The following PCSK5 variants were observed in gnomAD, a reference collection of about 807,000 sequenced individuals.
PCSK5 encodes the protein prohormone convertase 5.
PCSK5 carries 129 observed loss-of-function variants against 233.2 expected under a neutral mutation model. That is an observed-to-expected ratio of 0.55 (90% CI 0.48 to 0.64). PCSK5 has a LOEUF of 0.64. Among genes scored for constraint, PCSK5 ranks in the 30% least tolerant of loss-of-function variants. The pLI, the probability that PCSK5 is intolerant of heterozygous loss-of-function variation, is 0.00. For synonymous variants in PCSK5, 825 were observed against 879.2 expected, an observed-to-expected ratio of 0.94 and a Z score of 1.09; for missense variants, 2,076 against 2,430.1, an observed-to-expected ratio of 0.85 and a Z score of 3.06.
intron 3 of PCSK5, among the ~76,000 whole-genome samples, chr9:76,010,562 G>A (rs186042107): frequency 6.6e-6 from 1 of 152,270 alleles, no homozygotes; most frequent in African/African-American, 2.4e-5. Context: ...TGTTGACTGA[G>A]CAGCTTTTTG....
At chr9:75,971,296 G>A (rs1167233983) in intron 2 of PCSK5, among the ~76,000 whole-genome samples, 1 of 152,104 alleles carries the variant, frequency 6.6e-6, no homozygotes, top group Non-Finnish European at 1.5e-5. Context: ...GTATTCCATG[G>A]TGTATATGTA....
rs545987221 is a variant in PCSK5, at chr9:76,362,667, G to A, written c.*3745G>A. 5.9e-5 allele frequency among the ~76,000 whole-genome samples: 9 copies of A among 152,326 alleles called. No individual in the cohort carries two copies. In the South Asian group the frequency reaches 1.0e-3, roughly 18 times the overall value. On this transcript the variant is annotated 3_prime_UTR_variant, in exon 38 of 38. Transcript: ENST00000674117. ...GAAATCCACAGGCAGACAGCCCGGC[G>A]CTACGCCCTGGGCCTGGCAGTTAAA...
chr9:76,354,182 C>T lies in PCSK5; in HGVS notation c.5217C>T (p.Pro1739=). The change falls in exon 37 of 38, where the codon CCC becomes CCT. Residue 1739 remains proline (P), a synonymous_variant. Coordinates refer to ENST00000674117, the MANE Select transcript of PCSK5 (RefSeq NM_001372043.1). ...ACTGCTGCAACACCTCTGATCCCCCCAGTGCCCAGGAGTGCTGTGACTGCC... is the reference window on the plus strand; with the variant it reads ...ACTGCTGCAACACCTCTGATCCCCCTAGTGCCCAGGAGTGCTGTGACTGCC... The part of the protein sequence containing the change: ...CLHCCNTSDP[P]SAQECCDCQD... 6.3e-7 allele frequency: 1 copy of T among 1,589,540 alleles called. No individual in the cohort carries two copies.
chr9:76,310,931 C>A, intron 30 of PCSK5, 80 bp downstream of exon 30: 2 of 958,254 alleles, frequency 2.1e-6, no homozygotes, highest in Non-Finnish European at 3.0e-6. Flanking sequence ...TCTTATTCAC[C>A]AAAAAACTCT....
At chr9:75,892,194 T>C (rs1300026604) in intron 1 of PCSK5, among the ~76,000 whole-genome samples, 1 of 152,032 alleles carries the variant, frequency 6.6e-6, no homozygotes, top group Admixed American at 6.5e-5. Context: ...TTTTGTGGGG[T>C]GCCGCTCTCG....
At position 76,175,390 on chromosome 9, in the gene PCSK5, TG is replaced by T. The variant is rs1823566539; in HGVS notation, c.1900+262del. The stretch of plus-strand genomic sequence containing the variant: ...ATTTTCTTCCCCTTAAATATTTGTG[TG>T]TGTATATCAGTGCACTCATATATTC... On this transcript the variant is annotated intron_variant, in intron 14 of 37. Transcript: ENST00000674117. 5.9e-6 allele frequency: 3 copies of T among 504,814 alleles called. No homozygotes were observed. The East Asian group carries it at 9.2e-5, about 15-fold the overall frequency. 31.3% of individuals were successfully genotyped at this position (504,814 alleles called of 1,614,324 possible).
chr9:76,094,958 T>C (rs75985064), intron 7 of PCSK5, among the ~76,000 whole-genome samples: 2,645 of 152,360 alleles, frequency 0.017, 78 homozygotes, highest in African/African-American at 0.059. Flanking sequence ...GCATGAAGAA[T>C]GTGACACTGT....
intron 37 of PCSK5, among the ~76,000 whole-genome samples, chr9:76,358,298 G>C (rs1258525835): frequency 6.6e-6 from 1 of 152,096 alleles, no homozygotes; most frequent in Non-Finnish European, 1.5e-5. Flanking sequence ...TTGAGCCCAA[G>C]AGTTTGAGAC....
Position 76,161,312 on chromosome 9 carries a change from G to A in PCSK5, c.1619+2141G>A, listed in dbSNP as rs1822842396. Among the ~76,000 whole-genome samples the A allele has an allele frequency of 3.9e-5, 6 of 152,192 alleles. No individual in the cohort carries two copies. The East Asian group carries it at 7.7e-4, about 20-fold the overall frequency. Reference sequence around the variant, plus strand: ...GCAGACAAAGAGCCCTCAGCAGGCCGCCTGCAGGGTAATTGCAGGTACCTG... The same window carrying A: ...GCAGACAAAGAGCCCTCAGCAGGCCACCTGCAGGGTAATTGCAGGTACCTG... On this transcript the variant is annotated intron_variant, in intron 12 of 37. Transcript: ENST00000674117.
chr9:76,203,728 A>G (rs151203758), intron 20 of PCSK5, among the ~76,000 whole-genome samples: 5 of 152,302 alleles, frequency 3.3e-5, no homozygotes, highest in African/African-American at 9.6e-5. Flanking sequence ...TACAAAGTTT[A>G]TAGTAACTTG....
At chr9:76,256,691 TTCA>T in intron 24 of PCSK5, among the ~76,000 whole-genome samples, 1 of 152,228 alleles carries the variant, frequency 6.6e-6, no homozygotes, top group East Asian at 1.9e-4. Flanking sequence ...CTCGTGCCTG[TTCA>T]TCACGCTTAA....
chr9:76,327,307 A>T (rs1829392374), intron 32 of PCSK5, among the ~76,000 whole-genome samples: 1 of 151,624 alleles, frequency 6.6e-6, no homozygotes, highest in African/African-American at 2.4e-5. Context: ...GTGTCTTGCC[A>T]TGTTGCTCAG....
chr9:75,909,470 C>T (rs970507913), intron 1 of PCSK5, among the ~76,000 whole-genome samples: 20 of 151,952 alleles, frequency 1.3e-4, no homozygotes, highest in African/African-American at 4.1e-4. Context: ...CCGAGGCGGG[C>T]GAATCACCTG....
chr9:76,298,157 C>T (rs543905383), intron 27 of PCSK5, among the ~76,000 whole-genome samples: 193 of 152,218 alleles, frequency 1.3e-3, no homozygotes, highest in African/African-American at 4.3e-3. Flanking sequence ...GATGATGACA[C>T]GGTCCAGGGA....
chr9:75,901,296 GAAGA>G (rs1326709011), intron 1 of PCSK5, among the ~76,000 whole-genome samples: 1 of 152,142 alleles, frequency 6.6e-6, no homozygotes, highest in African/African-American at 2.4e-5. Flanking sequence ...CAGCCATAAA[GAAGA>G]ATGAGTTCAT....
At position 76,284,346 on chromosome 9, in the gene PCSK5, G is replaced by A. The variant is rs530424650; in HGVS notation, c.3143-7887G>A. Among the ~76,000 whole-genome samples, 6 of 152,090 alleles carry A rather than the reference G, an allele frequency of 3.9e-5. No individual in the cohort carries two copies. In the East Asian group the frequency reaches 1.2e-3, roughly 29 times the overall value. On this transcript the variant is annotated intron_variant, in intron 24 of 37. Transcript: ENST00000674117. ...CATGGGGGCAGGTTTTTCCCATGCT[G>A]TTCTCATGATAGTGAATAAGTTTCA...
At chr9:76,324,283 T>G (rs994014365) in intron 32 of PCSK5, among the ~76,000 whole-genome samples, 1 of 152,008 alleles carries the variant, frequency 6.6e-6, no homozygotes, top group Non-Finnish European at 1.5e-5. Context: ...CAGGTTGGAG[T>G]GCAGTGGCAT....
intron 11 of PCSK5, among the ~76,000 whole-genome samples, chr9:76,157,795 T>C (rs1404997923): frequency 6.6e-6 from 1 of 152,236 alleles, no homozygotes; most frequent in Non-Finnish European, 1.5e-5. Flanking sequence ...ACTAAAGTTG[T>C]TTGAGTTTAT....
intron 3 of PCSK5, among the ~76,000 whole-genome samples, chr9:76,018,018 A>AAAAAAAC (rs1315855690): frequency 3.3e-5 from 5 of 151,620 alleles, no homozygotes; most frequent in Admixed American, 6.6e-5. Context: ...AAAAAAAAAA[A>AAAAAAAC]ATGTGTGAGG....
Sources: gnomAD v4.1 joint callset for allele counts (sites outside exome capture counted in the v4.1 genomes callset) on GRCh38, gnomAD v4.1.1 for gene constraint, MANE v1.5 for transcripts, NCBI Gene and HGNC (gene_info 2026-07-23, HGNC 2026-07-21) for gene names.